RAN: variants seen among roughly 807,000 people sequenced by gnomAD.
RAN encodes RAN, member RAS oncogene family.
Under a neutral mutation model 26.8 loss-of-function variants are expected in RAN, and 2 were observed. The observed-to-expected ratio is 0.07, with a 90% CI of 0.03 to 0.23. The LOEUF is 0.23. Among genes scored for constraint, RAN ranks in the 10% least tolerant of loss-of-function variants. RAN has a pLI of 1.00. For synonymous variants in RAN, 132 were observed against 95.9 expected, an observed-to-expected ratio of 1.38 and a Z score of -2.20; for missense variants, 56 against 264.8, an observed-to-expected ratio of 0.21 and a Z score of 5.47.
Position 130,874,598 on chromosome 12 carries a change from T to C in RAN, c.300T>C (p.Asn100=), listed in dbSNP as rs532630549. 2.5e-6 allele frequency: 4 copies of C among 1,603,046 alleles called. No individual in the cohort carries two copies. Among genetic ancestry groups the C allele is most frequent in the Non-Finnish European group, 3.4e-6 (4 of 1,170,854 alleles). Residue 100 remains asparagine (N), a synonymous_variant, in exon 5 of 7, where the codon AAT becomes AAC. Transcript: ENST00000543796. ...TAACATCGAGAGTTACTTACAAGAA[T>C]GTGCCTAACTGGCATAGAGATCTGG... ...FDVTSRVTYK[N]VPNWHRDLVR...
At chr12:130,875,539 C>G (rs1408131016) in intron 5 of RAN, 73 bp from the exon 6 acceptor site, 1 of 1,326,524 alleles carries the variant, frequency 7.5e-7, no homozygotes, top group Admixed American at 2.5e-5. Context: ...ATTTTCTTAT[C>G]TTGCAATGTC....
At chr12:130,875,176 T>C (rs1407628121) in intron 5 of RAN, among the ~76,000 whole-genome samples, 1 of 152,052 alleles carries the variant, frequency 6.6e-6, no homozygotes, top group African/African-American at 2.4e-5. Flanking sequence ...ATGATAGAGA[T>C]TGGGTTTCAC....
intron 4 of RAN, 57 bp downstream of exon 4, chr12:130,873,185 C>A (rs73164823): frequency 1.0e-4 from 160 of 1,607,128 alleles, no homozygotes; most frequent in Non-Finnish European, 1.0e-4. Flanking sequence ...CTTCAGTCTT[C>A]AAGGTTATAG....
rs1298352679 is a variant in RAN at position 130,877,273 on chromosome 12, G to GGT, written c.*1348_*1349dup. On this transcript the variant is annotated 3_prime_UTR_variant, in exon 7 of 7. Coordinates refer to ENST00000543796, the MANE Select transcript of RAN (RefSeq NM_006325.5). ...CTTGAGATGATTGCTTACCTTAAAA[G>GGT]GTATAGAAAGGATCACTTAAATATA... 3 of 152,086 alleles carry GGT rather than the reference G, an allele frequency of 2.0e-5. No individual in the cohort carries two copies. In the South Asian group the frequency reaches 6.2e-4, roughly 31 times the overall value. The allele number at this position is 152,086 out of a possible 1,614,324, so 9.4% of individuals were successfully genotyped here.
intron 4 of RAN, 146 bp downstream of exon 4, chr12:130,873,274 T>A: frequency 9.3e-7 from 1 of 1,078,046 alleles, no homozygotes; most frequent in Non-Finnish European, 1.3e-6. Flanking sequence ...TTGACCACCA[T>A]TTTGGTGGCA....
chr12:130,874,791 C>T (rs1270496116), intron 5 of RAN, 58 bp downstream of exon 5: 2 of 1,389,422 alleles, frequency 1.4e-6, no homozygotes, highest in African/African-American at 1.4e-5. Context: ...TATGTAAGAC[C>T]ATGAAATTAA....
chr12:130,873,661 G>A (rs886594139), intron 4 of RAN: 2 of 159,640 alleles, frequency 1.3e-5, no homozygotes, highest in Non-Finnish European at 2.8e-5. Flanking sequence ...GAGGAATCAA[G>A]AAAATACTCA....
rs116217150 is a variant in RAN at position 130,875,017 on chromosome 12, G to T, written c.435+284G>T. On this transcript the variant is annotated intron_variant, in intron 5 of 6. Transcript: ENST00000543796. ...TACTTTTTTTTCTAGTAGAGACGGGGTTTCCACCATGTTGGTCAGGCTGAT... is the reference window on the plus strand; with the variant it reads ...TACTTTTTTTTCTAGTAGAGACGGGTTTTCCACCATGTTGGTCAGGCTGAT... 4.0e-3 allele frequency among the ~76,000 whole-genome samples: 615 copies of T among 152,212 alleles called. 7 individuals are homozygous for T. The highest frequency in any genetic ancestry group is 0.014 in the African/African-American group (587 of 41,526).
At chr12:130,874,423 G>C in intron 4 of RAN, 123 bp from the exon 5 acceptor site, 1 of 672,884 alleles carries the variant, frequency 1.5e-6, no homozygotes, top group African/African-American at 1.8e-5. Flanking sequence ...AAAGTGAGGG[G>C]AGAGATACAG....
At position 130,875,701 on chromosome 12, in the gene RAN, A is replaced by G. The variant is rs765340751; in HGVS notation, c.525A>G (p.Glu175=). Residue 175 remains glutamate (E), a synonymous_variant, in exon 6 of 7, where the codon GAA becomes GAG. Transcript: ENST00000543796. ...ARKLIGDPNL[E]FVAMPALAPP... ...AGCTCATTGGAGACCCTAACTTGGA[A>G]TTTGTTGCCATGCCTGCTCTCGCCC... The G allele has an allele frequency of 1.6e-5, 26 of 1,613,890 alleles. No homozygotes were observed. The East Asian group carries it at 5.8e-4, about 36-fold the overall frequency.
chr12:130,872,965 G>A (rs763236621), intron 3 of RAN, 38 bp from the exon 4 acceptor site: 63 of 1,614,078 alleles, frequency 3.9e-5, no homozygotes, highest in Non-Finnish European at 5.1e-5. Context: ...TGAGAAATGG[G>A]TAAGTTCATC....
chr12:130,876,961 ACAG>A lies in RAN; in HGVS notation c.*1039_*1041del, dbSNP rs1464756776. On this transcript the variant is annotated 3_prime_UTR_variant, in exon 7 of 7. Coordinates refer to ENST00000543796, the MANE Select transcript of RAN (RefSeq NM_006325.5). ...CGGGAGGGTTTTTTTGTAGGGCAGC[ACAG>A]CAGAGCAGGACATGGATGAAATACT... 1 of 151,872 alleles carries A rather than the reference ACAG, an allele frequency of 6.6e-6. No homozygotes were observed. Among genetic ancestry groups the A allele is most frequent in the Non-Finnish European group, 1.5e-5 (1 of 68,036 alleles). 9.4% of individuals were successfully genotyped at this position (151,872 alleles called of 1,614,324 possible). A position where few individuals can be genotyped will look rare whatever the true frequency, so the allele number is the denominator to read the frequency against.
intron 4 of RAN, 191 bp from the exon 5 acceptor site, chr12:130,874,355 G>C: frequency 1.9e-6 from 1 of 528,034 alleles, no homozygotes; most frequent in Non-Finnish European, 3.3e-6. Context: ...GATAGGGTCA[G>C]CTCATCTCTC....
intron 4 of RAN, chr12:130,873,338 C>G (rs1953174511): frequency 1.8e-6 from 1 of 562,676 alleles, no homozygotes; most frequent in African/African-American, 1.9e-5. Flanking sequence ...GCTAGGCATG[C>G]TTTAGAAAAA....
Position 130,874,471 on chromosome 12 carries a change from C to A in RAN, c.248-75C>A, listed in dbSNP as rs968794807. 5.8e-6 allele frequency: 7 copies of A among 1,204,504 alleles called. No individual in the cohort carries two copies. In the Admixed American group the frequency reaches 1.5e-4, roughly 26 times the overall value. The allele number at this position is 1,204,504 out of a possible 1,614,324, so 74.6% of individuals were successfully genotyped here. A position where few individuals can be genotyped will look rare whatever the true frequency, so the allele number is the denominator to read the frequency against. ...GGTCTAAGACTATAACTAGTTGAAT[C>A]CTAGTCTCTGGTTCTTAGCATTCTT... On this transcript the variant is annotated intron_variant, in intron 4 of 6. Coordinates refer to ENST00000543796, the MANE Select transcript of RAN (RefSeq NM_006325.5).
rs1029025515 is a variant in RAN at position 130,877,233 on chromosome 12, T to C, written c.*1307T>C. ...TAGTCCAGTTTACCAAAGTTTTCTT[T>C]AGATGTCTGATAATCTTGAGATGAT... On this transcript the variant is annotated 3_prime_UTR_variant, in exon 7 of 7. Transcript: ENST00000543796. The C allele has an allele frequency of 3.9e-5, 6 of 152,212 alleles. No individual in the cohort carries two copies. The highest frequency in any genetic ancestry group is 9.6e-5 in the African/African-American group (4 of 41,458). 9.4% of individuals were successfully genotyped at this position (152,212 alleles called of 1,614,324 possible). A position where few individuals can be genotyped will look rare whatever the true frequency, so the allele number is the denominator to read the frequency against.
intron 4 of RAN, chr12:130,874,288 T>C: frequency 2.5e-6 from 1 of 405,314 alleles, no homozygotes; most frequent in Non-Finnish European, 4.4e-6. Context: ...ATTAATTACT[T>C]CAGATACTTT....
rs1163848310 is a variant in RAN, at chr12:130,876,405, A to AT, written c.*482dup. 1 of 165,192 alleles carries AT rather than the reference A, an allele frequency of 6.1e-6. No homozygotes were observed. The highest frequency in any genetic ancestry group is 2.4e-5 in the African/African-American group (1 of 41,540). The allele number at this position is 165,192 out of a possible 1,614,324, so 10.2% of individuals were successfully genotyped here. The stretch of plus-strand genomic sequence containing the variant: ...ACTTAATTTGAAATCTATTGGGTTA[A>AT]TTTCTCCCTATGTTTATTTTTGTAC... On this transcript the variant is annotated 3_prime_UTR_variant, in exon 7 of 7. Coordinates refer to ENST00000543796, the MANE Select transcript of RAN (RefSeq NM_006325.5).
At chr12:130,874,196 C>A in intron 4 of RAN, 1 of 226,554 alleles carries the variant, frequency 4.4e-6, no homozygotes, top group Non-Finnish European at 9.0e-6. Flanking sequence ...TATAGCCAGC[C>A]ATTTAAAGAC....
Sources: allele counts gnomAD v4.1 joint callset (sites outside exome capture counted in the v4.1 genomes callset), GRCh38; gene constraint gnomAD v4.1.1; transcripts MANE v1.5; gene names NCBI Gene and HGNC (gene_info 2026-07-23, HGNC 2026-07-21).